Variants in ASIC2 observed in about 807,000 individuals in gnomAD.
ASIC2 encodes the protein acid-sensing ion channel 2.
A neutral mutation model predicts 57.3 loss-of-function variants in ASIC2; 25 were observed. The ratio of observed to expected loss-of-function variants is 0.44; its 90% CI spans 0.32 to 0.61. ASIC2 has a LOEUF of 0.61. Among genes scored for constraint, ASIC2 ranks in the 20% least tolerant of loss-of-function variants. ASIC2 has a pLI of 0.06. For missense variants in ASIC2, 641 were observed against 738.1 expected, an observed-to-expected ratio of 0.87 and a Z score of 1.52; for synonymous variants, 319 against 307.5, an observed-to-expected ratio of 1.04 and a Z score of -0.39.
intron 1 of ASIC2, among the ~76,000 whole-genome samples, chr17:34,034,060 A>T (rs1316797567): frequency 6.6e-6 from 1 of 152,204 alleles, no homozygotes; most frequent in Admixed American, 6.5e-5. Flanking sequence ...CACAACCAAA[A>T]AAGAGAATTT....
intron 1 of ASIC2, among the ~76,000 whole-genome samples, chr17:33,399,397 A>T (rs1356307946): frequency 1.3e-5 from 2 of 152,194 alleles, no homozygotes; most frequent in Non-Finnish European, 2.9e-5. Flanking sequence ...GATCAGGAGG[A>T]GGGCTTGTCC....
At chr17:33,685,498 T>C (rs1313723213) in intron 1 of ASIC2, among the ~76,000 whole-genome samples, 1 of 152,102 alleles carries the variant, frequency 6.6e-6, no homozygotes, top group Non-Finnish European at 1.5e-5. Context: ...CAGCTAGTCC[T>C]TGATAGGGGA....
At chr17:33,561,629 A>T (rs531193232) in intron 1 of ASIC2, among the ~76,000 whole-genome samples, 1 of 152,202 alleles carries the variant, frequency 6.6e-6, no homozygotes, top group South Asian at 2.1e-4. Context: ...TTTCTTATAC[A>T]CTTTGGTGTT....
chr17:33,837,633 G>C (rs1432484255), intron 1 of ASIC2, among the ~76,000 whole-genome samples: 3 of 152,134 alleles, frequency 2.0e-5, no homozygotes, highest in African/African-American at 4.8e-5. Flanking sequence ...CTTATCTGGA[G>C]TGTGGGCATA....
In ASIC2 at chr17:34,130,841, A is replaced by G. The variant is rs1007536974; in HGVS notation, c.555+25137T>C. 2.0e-5 allele frequency among the ~76,000 whole-genome samples: 3 copies of G among 152,230 alleles called. 1 individual carries two copies. Among genetic ancestry groups the G allele is most frequent in the African/African-American group, 7.2e-5 (3 of 41,468 alleles). On this transcript the variant is annotated intron_variant, in intron 1 of 9. Transcript: ENST00000359872. The stretch of plus-strand genomic sequence containing the variant: ...AAAAGATGGGTTTCAGGGGAAGGGA[A>G]GCTTATACATGAAATTATTATACGG...
At chr17:33,374,603 C>G (rs1909207875) in intron 1 of ASIC2, among the ~76,000 whole-genome samples, 1 of 152,220 alleles carries the variant, frequency 6.6e-6, no homozygotes, top group African/African-American at 2.4e-5. Flanking sequence ...TACTGCAATG[C>G]TGTGGTCTCA....
chr17:33,623,006 C>T (rs1905848451), intron 1 of ASIC2, among the ~76,000 whole-genome samples: 1 of 152,124 alleles, frequency 6.6e-6, no homozygotes, highest in South Asian at 2.1e-4. Context: ...TTATTTAGTG[C>T]CTGCCAAGCA....
chr17:33,544,261 A>G (rs1915511532), intron 1 of ASIC2, among the ~76,000 whole-genome samples: 1 of 152,216 alleles, frequency 6.6e-6, no homozygotes, highest in South Asian at 2.1e-4. Flanking sequence ...TGAATAAGGT[A>G]TACCCCACTT....
chr17:34,005,410 A>T (rs1906491215), intron 1 of ASIC2: 1 of 152,018 alleles, frequency 6.6e-6, no homozygotes, highest in African/African-American at 2.4e-5. Context: ...AAGTTTTTAA[A>T]AGCTAAACTT....
At chr17:33,497,849 C>A (rs1913984601) in intron 1 of ASIC2, among the ~76,000 whole-genome samples, 1 of 152,174 alleles carries the variant, frequency 6.6e-6, no homozygotes, top group Non-Finnish European at 1.5e-5. Context: ...GATATAGGCA[C>A]CTAGAGAGTG....
intron 1 of ASIC2, among the ~76,000 whole-genome samples, chr17:33,448,214 A>G (rs1912108208): frequency 6.6e-6 from 1 of 151,938 alleles, no homozygotes; most frequent in African/African-American, 2.4e-5. Flanking sequence ...GCCAAATGCC[A>G]TTTTTTGGCT....
At chr17:33,636,105 CAA>C (rs906322041) in intron 1 of ASIC2, among the ~76,000 whole-genome samples, 1 of 152,030 alleles carries the variant, frequency 6.6e-6, no homozygotes, top group African/African-American at 2.4e-5. Context: ...TAAAAATTAA[CAA>C]TGATGTGTAT....
chr17:34,154,644 G>A (rs556600609), intron 1 of ASIC2, among the ~76,000 whole-genome samples: 263 of 152,312 alleles, frequency 1.7e-3, no homozygotes, highest in Non-Finnish European at 3.3e-3. Context: ...ATCCAAGAGG[G>A]GGTAGGGAAT....
At chr17:33,668,272 C>CTTTTT (rs397856474) in intron 1 of ASIC2, among the ~76,000 whole-genome samples, 9 of 61,414 alleles carry the variant, frequency 1.5e-4, no homozygotes, top group Admixed American at 2.2e-4. Flanking sequence ...ATCAAATGTT[C>CTTTTT]TTTTTTTTTT....
At chr17:33,856,002 G>A (rs1348036723) in intron 1 of ASIC2, among the ~76,000 whole-genome samples, 1 of 152,088 alleles carries the variant, frequency 6.6e-6, no homozygotes, top group Non-Finnish European at 1.5e-5. Context: ...GAAAAGAAAA[G>A]GAGCAAGGAA....
chr17:33,268,185 C>T (rs548922986), intron 1 of ASIC2, among the ~76,000 whole-genome samples: 270 of 152,274 alleles, frequency 1.8e-3, no homozygotes, highest in African/African-American at 6.2e-3. Flanking sequence ...GTCTCATTTT[C>T]CAGCCTTTCT....
intron 1 of ASIC2, among the ~76,000 whole-genome samples, chr17:33,908,957 C>T (rs1317917979): frequency 6.6e-6 from 1 of 152,180 alleles, no homozygotes; most frequent in Non-Finnish European, 1.5e-5. Context: ...CCTGATGTCC[C>T]CTGACTGTTT....
chr17:33,232,503 T>TGGTATGGTATGGTATGGTATGGTAC (rs1555584469), intron 1 of ASIC2, among the ~76,000 whole-genome samples: 4 of 134,192 alleles, frequency 3.0e-5, no homozygotes, highest in South Asian at 5.1e-4. Flanking sequence ...TGGTACGGTA[T>TGGTATGGTATGGTATGGTATGGTAC]GGTATGGTAT....
chr17:33,274,905 T>G (rs1270335217), intron 1 of ASIC2, among the ~76,000 whole-genome samples: 1 of 152,146 alleles, frequency 6.6e-6, no homozygotes, highest in East Asian at 1.9e-4. Flanking sequence ...TCATCACTCA[T>G]CACTCGGCAG....
Sources: allele counts gnomAD v4.1 joint callset (sites outside exome capture counted in the v4.1 genomes callset), GRCh38; gene constraint gnomAD v4.1.1; transcripts MANE v1.5; gene names NCBI Gene and HGNC (gene_info 2026-07-23, HGNC 2026-07-21).